The following GRID2 variants were observed in gnomAD, a reference collection of about 807,000 sequenced individuals.
GRID2 encodes the protein glutamate receptor ionotropic, delta-2.
GRID2 carries 33 observed loss-of-function variants against 114.8 expected under a neutral mutation model. That is an observed-to-expected ratio of 0.29 (90% CI 0.22 to 0.38). The LOEUF (loss-of-function observed/expected upper bound fraction) is 0.38. Among genes scored for constraint, GRID2 ranks in the 10% least tolerant of loss-of-function variants. The pLI, the probability that GRID2 is intolerant of heterozygous loss-of-function variation, is 1.00. For synonymous variants in GRID2, 505 were observed against 449.9 expected (o/e 1.12, Z -1.55); for missense variants, 1,184 against 1,257.7 (o/e 0.94, Z 0.89).
intron 2 of GRID2, among the ~76,000 whole-genome samples, chr4:92,690,479 A>T (rs891669549): frequency 1.3e-5 from 2 of 152,202 alleles, no homozygotes; most frequent in African/African-American, 4.8e-5. Context: ...ACCATAACAG[A>T]TATAAAGCAG....
chr4:92,742,386 C>G (rs1174829969), intron 2 of GRID2, among the ~76,000 whole-genome samples: 1 of 152,030 alleles, frequency 6.6e-6, no homozygotes, highest in Non-Finnish European at 1.5e-5. Flanking sequence ...TGTCCTGCCT[C>G]TCCTGTCATC....
Position 92,713,181 on chromosome 4 carries a change from G to A in GRID2, c.244+122895G>A, listed in dbSNP as rs530204087. On this transcript the variant is annotated intron_variant, in intron 2 of 15. Transcript: ENST00000282020. ...CCCACAACAGGCCCCGGTATGTGAT[G>A]TTCATAGGTGGGAATTGAACAATGA... Among the ~76,000 whole-genome samples, 14 of 149,274 alleles carry A rather than the reference G, an allele frequency of 9.4e-5. No individual in the cohort carries two copies. In the East Asian group the frequency reaches 2.9e-3, roughly 30 times the overall value.
At position 93,683,825 on chromosome 4, in the gene GRID2, ATAT is replaced by A. The variant is rs150607798; in HGVS notation, c.2360+57397_2360+57399del. On this transcript the variant is annotated intron_variant, in intron 14 of 15. Transcript: ENST00000282020. ...AGGTTACAACACATAGGATTGTCCC[ATAT>A]TATTATAAAACCAACACAATTGTGG... Among the ~76,000 whole-genome samples the A allele has an allele frequency of 5.0e-3, 756 of 152,200 alleles. 8 individuals carry two copies. The highest frequency in any genetic ancestry group is 0.018 in the African/African-American group (730 of 41,548).
chr4:93,573,335 C>G (rs11942015), intron 13 of GRID2, among the ~76,000 whole-genome samples: 4 of 152,144 alleles, frequency 2.6e-5, no homozygotes, highest in Admixed American at 2.0e-4. Flanking sequence ...AAAACTAGCA[C>G]TAATGGAGTG....
At chr4:93,087,693 T>G (rs1730450238) in intron 3 of GRID2, among the ~76,000 whole-genome samples, 1 of 152,170 alleles carries the variant, frequency 6.6e-6, no homozygotes, top group African/African-American at 2.4e-5. Flanking sequence ...CTTTTTCACT[T>G]ATTTAGCTTA....
In GRID2 at chr4:92,837,198, G is replaced by C. The variant is rs544120708; in HGVS notation, c.244+246912G>C. ...TGGTAACGACACAATCCTGATGAAC[G>C]AGGGGCCTGGTGTTTCATTGTCTGG... On this transcript the variant is annotated intron_variant, in intron 2 of 15. Transcript: ENST00000282020. Among the ~76,000 whole-genome samples, 4 of 152,120 alleles carry C rather than the reference G, an allele frequency of 2.6e-5. No individual in the cohort carries two copies. The East Asian group carries it at 5.8e-4, about 22-fold the overall frequency.
intron 1 of GRID2, among the ~76,000 whole-genome samples, chr4:93,789,923 C>T (rs777762955): frequency 5.3e-5 from 8 of 152,240 alleles, no homozygotes; most frequent in Middle Eastern, 3.4e-3. Flanking sequence ...GCCTGAGCTC[C>T]GCCTTTTGTC....
At chr4:93,163,853 A>T (rs937067761) in intron 4 of GRID2, among the ~76,000 whole-genome samples, 2 of 151,988 alleles carry the variant, frequency 1.3e-5, no homozygotes, top group African/African-American at 2.4e-5. Context: ...CTAGTACTGG[A>T]CAGAATGTAA....
chr4:93,401,906 A>T (rs1207667132), intron 9 of GRID2, among the ~76,000 whole-genome samples: 1 of 148,214 alleles, frequency 6.7e-6, no homozygotes, highest in Non-Finnish European at 1.5e-5. Flanking sequence ...ATCCATCATT[A>T]GTCTCACTTT....
At chr4:92,325,476 C>T (rs1192043822) in intron 1 of GRID2, among the ~76,000 whole-genome samples, 1 of 151,728 alleles carries the variant, frequency 6.6e-6, no homozygotes, top group Non-Finnish European at 1.5e-5. Context: ...CATTTTACTT[C>T]AGTCTGTTTT....
At chr4:93,463,197 A>AT (rs913283242) in intron 11 of GRID2, among the ~76,000 whole-genome samples, 4 of 152,144 alleles carry the variant, frequency 2.6e-5, no homozygotes, top group African/African-American at 9.7e-5. Context: ...TTCACAACTA[A>AT]TAAAAAAAAA....
intron 1 of GRID2, among the ~76,000 whole-genome samples, chr4:92,573,890 A>T (rs929445723): frequency 6.6e-6 from 1 of 151,052 alleles, no homozygotes; most frequent in African/African-American, 2.4e-5. Flanking sequence ...TCAATGATCT[A>T]GTATTTTCAG....
At chr4:93,511,056 C>A (rs1425504503) in intron 12 of GRID2, among the ~76,000 whole-genome samples, 1 of 152,102 alleles carries the variant, frequency 6.6e-6, no homozygotes, top group East Asian at 1.9e-4. Flanking sequence ...CCTGCCTCAG[C>A]CTTGTGAGTA....
chr4:92,422,786 A>C (rs1731968079), intron 1 of GRID2, among the ~76,000 whole-genome samples: 1 of 152,158 alleles, frequency 6.6e-6, no homozygotes, highest in Non-Finnish European at 1.5e-5. Flanking sequence ...CTTGTGGCTA[A>C]TTTGTTAGTC....
intron 2 of GRID2, among the ~76,000 whole-genome samples, chr4:92,762,459 A>C (rs1738066390): frequency 6.6e-6 from 1 of 151,584 alleles, no homozygotes; most frequent in African/African-American, 2.4e-5. Context: ...AAAAAAAAAA[A>C]ACATTTTATT....
chr4:93,511,509 G>C (rs1052134171), intron 12 of GRID2, among the ~76,000 whole-genome samples: 1 of 152,106 alleles, frequency 6.6e-6, no homozygotes, highest in Non-Finnish European at 1.5e-5. Flanking sequence ...AGAAGATAAG[G>C]CTGATTAGAG....
At chr4:93,136,232 TTG>T (rs3970984) in intron 4 of GRID2, among the ~76,000 whole-genome samples, 20,836 of 142,062 alleles carry the variant, frequency 0.15, 1,589 homozygotes, top group Non-Finnish European at 0.18. Context: ...CCAACAGTTA[TTG>T]TGTGTGTGTG....
chr4:93,725,485 T>C (rs1301626403), intron 14 of GRID2, among the ~76,000 whole-genome samples: 1 of 152,104 alleles, frequency 6.6e-6, no homozygotes, highest in Non-Finnish European at 1.5e-5. Flanking sequence ...TTATAATCCT[T>C]TGGGTATATA....
At chr4:93,023,187 G>C (rs1208434625) in intron 2 of GRID2, among the ~76,000 whole-genome samples, 1 of 149,866 alleles carries the variant, frequency 6.7e-6, no homozygotes, top group African/African-American at 2.4e-5. Context: ...ATAACTATTA[G>C]TTAATGGTAG....
Sources: allele counts gnomAD v4.1 joint callset (sites outside exome capture counted in the v4.1 genomes callset), GRCh38; gene constraint gnomAD v4.1.1; transcripts MANE v1.5; gene names NCBI Gene and HGNC (gene_info 2026-07-23, HGNC 2026-07-21).